The following GRAMD4 variants were observed in gnomAD, a reference collection of about 807,000 sequenced individuals.
GRAMD4 encodes the protein GRAM domain containing 4.
Under a neutral mutation model 83.9 loss-of-function variants are expected in GRAMD4, and 25 were observed. That is an observed-to-expected ratio of 0.30 (90% CI 0.22 to 0.42). The LOEUF (loss-of-function observed/expected upper bound fraction) is 0.42, where lower values mean the gene tolerates loss of function less well. Among genes scored for constraint, GRAMD4 ranks in the 10% least tolerant of loss-of-function variants. The pLI is 1.00. For missense variants in GRAMD4, 593 were observed against 788.7 expected, an observed-to-expected ratio of 0.75 and a Z score of 2.97; for synonymous variants, 336 against 320.9, an observed-to-expected ratio of 1.05 and a Z score of -0.50.
rs557598542 is a variant in GRAMD4 at position 46,662,974 on chromosome 22, C to T, written c.467-66C>T. 238 of 1,487,572 alleles carry T rather than the reference C, an allele frequency of 1.6e-4. No individual in the cohort carries two copies. In the East Asian group the frequency reaches 4.6e-3, roughly 29 times the overall value. The allele number at this position is 1,487,572 out of a possible 1,614,324, so 92.1% of individuals were successfully genotyped here. The stretch of plus-strand genomic sequence containing the variant: ...GAGGCCCCTCCCTGCCCTGAGATCC[C>T]GGAGCCGACCCCAGAACAGGCAGTG... On this transcript the variant is annotated intron_variant, in intron 5 of 18. Coordinates refer to ENST00000406902, the MANE Select transcript of GRAMD4 (RefSeq NM_015124.5).
At chr22:46,587,844 C>A in intron 1 of GRAMD4, 1 of 922,398 alleles carries the variant, frequency 1.1e-6, no homozygotes, top group Non-Finnish European at 1.3e-6. Flanking sequence ...GGAAGTGAAA[C>A]AGGCGTGTGC....
At chr22:46,675,886 C>T (rs920261271) in intron 17 of GRAMD4, among the ~76,000 whole-genome samples, 1 of 152,252 alleles carries the variant, frequency 6.6e-6, no homozygotes, top group Admixed American at 6.5e-5. Context: ...CCCTGAGCCC[C>T]TGCCTCGGAT....
rs1245685253 is a variant in GRAMD4 at position 46,621,179 on chromosome 22, G to C, written c.-50+614G>C. 6.6e-6 allele frequency among the ~76,000 whole-genome samples: 1 copy of C among 152,174 alleles called. No individual in the cohort carries two copies. Among genetic ancestry groups the C allele is most frequent in the Non-Finnish European group, 1.5e-5 (1 of 68,014 alleles). ...GGACGGAAGGTGCAGGTGAGACGCA[G>C]GTGGGCGGTGTCGGGAGACCCGGGT... On this transcript the variant is annotated intron_variant, in intron 1 of 18. Coordinates refer to ENST00000406902, the MANE Select transcript of GRAMD4 (RefSeq NM_015124.5). This position sits in a 1 kb window ranked among gnomAD's most constrained non-coding sequence, Gnocchi z 5.8.
At chr22:46,600,205 C>T (rs1024225218) in intron 1 of GRAMD4, among the ~76,000 whole-genome samples, 1 of 152,178 alleles carries the variant, frequency 6.6e-6, no homozygotes, top group Non-Finnish European at 1.5e-5. Context: ...GCAGCTGTCA[C>T]CTGGAGCTGT....
At chr22:46,675,408 C>G in intron 16 of GRAMD4, 60 bp from the exon 17 acceptor site, 1 of 1,181,802 alleles carries the variant, frequency 8.5e-7, no homozygotes, top group Non-Finnish European at 1.3e-6. Flanking sequence ...AGACCCCCAC[C>G]TGGTGGGAGC....
intron 3 of GRAMD4, among the ~76,000 whole-genome samples, chr22:46,644,697 GTTTTTTTTTTTTTTTTTTTTTTT>G (rs71192437): frequency 6.2e-5 from 6 of 97,338 alleles, no homozygotes; most frequent in African/African-American, 8.0e-5. Flanking sequence ...CTTGTTCCCT[GTTTTTTTTTTTTTTTTTTTTTTT>G]TTTTTTTTTT....
chr22:46,591,905 A>G (rs2081213651), intron 1 of GRAMD4, among the ~76,000 whole-genome samples: 1 of 96,974 alleles, frequency 1.0e-5, no homozygotes, highest in South Asian at 3.7e-4. Context: ...TCAGTTAGCC[A>G]TGCCCAGGGA....
At chr22:46,612,212 G>T (rs1411215471) in intron 1 of GRAMD4, among the ~76,000 whole-genome samples, 2 of 152,110 alleles carry the variant, frequency 1.3e-5, no homozygotes, top group Non-Finnish European at 2.9e-5. Context: ...TTGCCGTGTT[G>T]TCTGGGCTGG....
chr22:46,645,704 C>T (rs900510040), intron 3 of GRAMD4, among the ~76,000 whole-genome samples: 1 of 152,164 alleles, frequency 6.6e-6, no homozygotes, highest in African/African-American at 2.4e-5. Context: ...GCAAATGACA[C>T]AGGATGAAGA....
intron 1 of GRAMD4, among the ~76,000 whole-genome samples, chr22:46,614,709 T>A (rs1264139760): frequency 3.3e-5 from 5 of 152,108 alleles, no homozygotes; most frequent in African/African-American, 4.8e-5. Context: ...TCATGATTAT[T>A]TGCAGATACG....
chr22:46,604,331 A>G (rs1365642412), intron 1 of GRAMD4, among the ~76,000 whole-genome samples: 1 of 152,128 alleles, frequency 6.6e-6, no homozygotes, highest in Non-Finnish European at 1.5e-5. Flanking sequence ...ATTACATTCA[A>G]TTTGTAGATT....
intron 1 of GRAMD4, among the ~76,000 whole-genome samples, chr22:46,584,664 G>T (rs560461174): frequency 1.4e-3 from 216 of 152,246 alleles, no homozygotes; most frequent in African/African-American, 5.0e-3. Context: ...GTATGCTGCC[G>T]CAGCATGGCT....
chr22:46,590,746 G>A (rs1440087928), intron 1 of GRAMD4, among the ~76,000 whole-genome samples: 4 of 152,202 alleles, frequency 2.6e-5, no homozygotes, highest in Admixed American at 6.5e-5. Context: ...AGCTAAGGAC[G>A]ATGGACACTA....
Position 46,659,006 on chromosome 22 carries a change from C to T in GRAMD4, c.404+699C>T, listed in dbSNP as rs577624666. Among the ~76,000 whole-genome samples, 3 of 152,276 alleles carry T rather than the reference C, an allele frequency of 2.0e-5. No homozygotes were observed. Among genetic ancestry groups the T allele is most frequent in the South Asian group, 4.1e-4 (2 of 4,826 alleles). Reference sequence around the variant, plus strand: ...GGAAGCAGGTCATTCAGGACCCCAGCGCAAGTTACAAAGCCAGTGCCCTCC... The same window carrying T: ...GGAAGCAGGTCATTCAGGACCCCAGTGCAAGTTACAAAGCCAGTGCCCTCC... On this transcript the variant is annotated intron_variant, in intron 4 of 18. Coordinates refer to ENST00000406902, the MANE Select transcript of GRAMD4 (RefSeq NM_015124.5). The surrounding 1 kb of genome is among the most constrained non-coding windows in gnomAD (Gnocchi z 4.1).
At chr22:46,648,177 G>T (rs2082098323) in intron 3 of GRAMD4, among the ~76,000 whole-genome samples, 1 of 152,086 alleles carries the variant, frequency 6.6e-6, no homozygotes, top group Non-Finnish European at 1.5e-5. Context: ...TGGATAAATG[G>T]ATGGATGAGT....
At chr22:46,657,242 A>G (rs2082257251) in intron 3 of GRAMD4, among the ~76,000 whole-genome samples, 2 of 152,304 alleles carry the variant, frequency 1.3e-5, no homozygotes, top group South Asian at 4.1e-4. Context: ...GTGGGCGTTC[A>G]CAGGTGCCAG....
In GRAMD4 at chr22:46,666,810, T is replaced by C. The variant is rs757076539; in HGVS notation, c.810-15T>C. On this transcript the variant is annotated splice_polypyrimidine_tract_variant and intron_variant, in intron 9 of 18. Transcript: ENST00000406902. ...TGGCGCTGTCCTAAAGGTGTGTGTGTTTTCTGTTCGCCAGGGGGTGGCGGA... is the reference window on the plus strand; with the variant it reads ...TGGCGCTGTCCTAAAGGTGTGTGTGCTTTCTGTTCGCCAGGGGGTGGCGGA... The C allele has an allele frequency of 5.6e-6, 9 of 1,609,860 alleles. No homozygotes were observed. The South Asian group carries it at 9.9e-5, about 18-fold the overall frequency.
At chr22:46,587,075 A>C (rs917586937) in intron 1 of GRAMD4, among the ~76,000 whole-genome samples, 1 of 152,114 alleles carries the variant, frequency 6.6e-6, no homozygotes, top group Non-Finnish European at 1.5e-5. Flanking sequence ...TTCTCAGCCC[A>C]CTCTGCGCCC....
At chr22:46,584,720 G>C (rs938992882) in intron 1 of GRAMD4, among the ~76,000 whole-genome samples, 1 of 152,168 alleles carries the variant, frequency 6.6e-6, no homozygotes, top group Non-Finnish European at 1.5e-5. Context: ...ATGATTCCAC[G>C]ACTTAGAGGG....
Sources: allele counts gnomAD v4.1 joint callset (sites outside exome capture counted in the v4.1 genomes callset), GRCh38; gene constraint gnomAD v4.1.1; non-coding constraint Gnocchi (gnomAD v3.1); transcripts MANE v1.5; gene names NCBI Gene and HGNC (gene_info 2026-07-23, HGNC 2026-07-21).